OR2G6: variants seen among roughly 807,000 people sequenced by gnomAD.
OR2G6 encodes the protein olfactory receptor family 2 subfamily G member 6.
For synonymous variants in OR2G6, 183 were observed against 155.2 expected, an observed-to-expected ratio of 1.18 and a Z score of -1.33; for missense variants, 457 against 391.3, an observed-to-expected ratio of 1.17 and a Z score of -1.42.
chr1:248,522,378 C>T lies in OR2G6; in HGVS notation c.732C>T (p.His244=), dbSNP rs1466033709. The T allele has an allele frequency of 6.2e-7, 1 of 1,614,176 alleles. No homozygotes were observed. The change falls in exon 2 of 2, where the codon CAC becomes CAT. Residue 244 remains histidine, a synonymous_variant. Transcript: ENST00000641804. Reference sequence around the variant, plus strand: ...AGGCCTTTGGGACCTGTTCGTCTCACCTGGTTGTGGTCATCATTTTCTATG... The same window carrying T: ...AGGCCTTTGGGACCTGTTCGTCTCATCTGGTTGTGGTCATCATTTTCTATG... ...RQKAFGTCSS[H]LVVVIIFYGT...
chr1:248,520,231 A>G lies in OR2G6; in HGVS notation c.-36-1380A>G, dbSNP rs539610086. ...TAAATGGGAGTTGAACAATAAGAACACATGGACACAGGGAGGGGAACATCA... is the reference window on the plus strand; with the variant it reads ...TAAATGGGAGTTGAACAATAAGAACGCATGGACACAGGGAGGGGAACATCA... On this transcript the variant is annotated intron_variant, in intron 1 of 1. Coordinates refer to ENST00000641804, the MANE Select transcript of OR2G6 (RefSeq NM_001013355.2). Among the ~76,000 whole-genome samples the G allele has an allele frequency of 9.2e-5, 14 of 152,266 alleles. No individual in the cohort carries two copies. In the East Asian group the frequency reaches 1.4e-3, roughly 15 times the overall value.
rs1161651195 is a variant in OR2G6, at chr1:248,523,378, T to A, written c.*781T>A. The A allele has an allele frequency of 6.6e-6, 1 of 152,156 alleles. No homozygotes were observed. The highest frequency in any genetic ancestry group is 1.5e-5 in the Non-Finnish European group (1 of 68,036). 9.4% of individuals were successfully genotyped at this position (152,156 alleles called of 1,614,324 possible). ...TATTAAAGGAATCAAATAAGCAAACTTGAATTAAGGAGATTGATTAAAAGT... is the reference window on the plus strand; with the variant it reads ...TATTAAAGGAATCAAATAAGCAAACATGAATTAAGGAGATTGATTAAAAGT... On this transcript the variant is annotated 3_prime_UTR_variant, in exon 2 of 2. Transcript: ENST00000641804.
Position 248,527,109 on chromosome 1 carries a change from GT to G in OR2G6, c.*4517del, listed in dbSNP as rs1659147250. The G allele has an allele frequency of 6.6e-6, 1 of 152,102 alleles. No homozygotes were observed. The highest frequency in any genetic ancestry group is 1.5e-5 in the Non-Finnish European group (1 of 68,022). The allele number at this position is 152,102 out of a possible 1,614,324, so 9.4% of individuals were successfully genotyped here. A position where few individuals can be genotyped will look rare whatever the true frequency, so the allele number is the denominator to read the frequency against. ...GGAATTGCCTAGGTTTTCTTCTAGG[GT>G]TTTTATGGTTTTAGGTCTAACATTT... On this transcript the variant is annotated 3_prime_UTR_variant, in exon 2 of 2. Transcript: ENST00000641804.
chr1:248,520,166 A>T (rs535426940), intron 1 of OR2G6, among the ~76,000 whole-genome samples: 67 of 152,300 alleles, frequency 4.4e-4, no homozygotes, highest in South Asian at 1.0e-3. Flanking sequence ...CAGCAAACTA[A>T]CACAAGAACA....
intron 1 of OR2G6, among the ~76,000 whole-genome samples, chr1:248,519,613 G>C (rs927631349): frequency 5.3e-5 from 8 of 151,840 alleles, no homozygotes; most frequent in African/African-American, 1.9e-4. Context: ...GCTTGTTTTT[G>C]TCAGTTTTGT....
chr1:248,524,456 G>A lies in OR2G6; in HGVS notation c.*1859G>A, dbSNP rs962267163. ...TTTTTATTTACAATATGCAAGTAGA[G>A]AAGTAGTTCTACAGGAAGCGTCACA... On this transcript the variant is annotated 3_prime_UTR_variant, in exon 2 of 2. Transcript: ENST00000641804. 1 of 152,186 alleles carries A rather than the reference G, an allele frequency of 6.6e-6. No individual in the cohort carries two copies. Among genetic ancestry groups the A allele is most frequent in the Non-Finnish European group, 1.5e-5 (1 of 68,038 alleles). 9.4% of individuals were successfully genotyped at this position (152,186 alleles called of 1,614,324 possible).
intron 1 of OR2G6, among the ~76,000 whole-genome samples, chr1:248,509,034 G>A (rs1664206304): frequency 1.2e-5 from 1 of 81,760 alleles, no homozygotes; most frequent in Non-Finnish European, 2.2e-5. Flanking sequence ...TTCAGTGCCT[G>A]GCTCATGATA....
In OR2G6 at chr1:248,524,457, A is replaced by T. The variant is rs551805084; in HGVS notation, c.*1860A>T. 1 of 152,338 alleles carries T rather than the reference A, an allele frequency of 6.6e-6. No individual in the cohort carries two copies. The highest frequency in any genetic ancestry group is 2.4e-5 in the African/African-American group (1 of 41,580). 9.4% of individuals were successfully genotyped at this position (152,338 alleles called of 1,614,324 possible). A position where few individuals can be genotyped will look rare whatever the true frequency, so the allele number is the denominator to read the frequency against. ...TTTTATTTACAATATGCAAGTAGAG[A>T]AGTAGTTCTACAGGAAGCGTCACAT... On this transcript the variant is annotated 3_prime_UTR_variant, in exon 2 of 2. Transcript: ENST00000641804.
rs959640308 is a variant in OR2G6 at position 248,527,187 on chromosome 1, T to A, written c.*4590T>A. ...TTTTGTATAAGGTGTAAGGAAGGGA[T>A]CCAGTTTCAGCTTTCTACATATGGC... is the stretch of plus-strand genomic sequence containing the variant. On this transcript the variant is annotated 3_prime_UTR_variant, in exon 2 of 2. Coordinates refer to ENST00000641804, the MANE Select transcript of OR2G6 (RefSeq NM_001013355.2). 2 of 152,222 alleles carry A rather than the reference T, an allele frequency of 1.3e-5. No homozygotes were observed. Among genetic ancestry groups the A allele is most frequent in the African/African-American group, 4.8e-5 (2 of 41,462 alleles). The allele number at this position is 152,222 out of a possible 1,614,324, so 9.4% of individuals were successfully genotyped here.
rs1659140743 is a variant in OR2G6 at position 248,526,984 on chromosome 1, T to C, written c.*4387T>C. 2 of 152,222 alleles carry C rather than the reference T, an allele frequency of 1.3e-5. No individual in the cohort carries two copies. The highest frequency in any genetic ancestry group is 1.9e-4 in the East Asian group (1 of 5,198). 9.4% of individuals were successfully genotyped at this position (152,222 alleles called of 1,614,324 possible). ...GTAGTTTCTTTTGCTGTGCAGAAGC[T>C]CTTTAGTTTAATTAGATCCCATTTG... On this transcript the variant is annotated 3_prime_UTR_variant, in exon 2 of 2. Coordinates refer to ENST00000641804, the MANE Select transcript of OR2G6 (RefSeq NM_001013355.2).
At position 248,524,053 on chromosome 1, in the gene OR2G6, GCCTT is replaced by G. The variant is rs1329588271; in HGVS notation, c.*1459_*1462del. 2.0e-5 allele frequency: 3 copies of G among 152,162 alleles called. No individual in the cohort carries two copies. The highest frequency in any genetic ancestry group is 7.2e-5 in the African/African-American group (3 of 41,434). 9.4% of individuals were successfully genotyped at this position (152,162 alleles called of 1,614,324 possible). A position where few individuals can be genotyped will look rare whatever the true frequency, so the allele number is the denominator to read the frequency against. The stretch of plus-strand genomic sequence containing the variant: ...GGGTTTAAGTGATCCCTCTGCCTCA[GCCTT>G]CCAACATTCAGATTTATAATAATTC... On this transcript the variant is annotated 3_prime_UTR_variant, in exon 2 of 2. Transcript: ENST00000641804.
intron 1 of OR2G6, among the ~76,000 whole-genome samples, chr1:248,519,311 C>T (rs913457485): frequency 6.6e-5 from 9 of 137,266 alleles, no homozygotes; most frequent in African/African-American, 2.2e-4. Context: ...ATGATAGTTT[C>T]CTTTGCTGCA....
chr1:248,525,540 G>A lies in OR2G6; in HGVS notation c.*2943G>A, dbSNP rs1189118608. On this transcript the variant is annotated 3_prime_UTR_variant, in exon 2 of 2. Coordinates refer to ENST00000641804, the MANE Select transcript of OR2G6 (RefSeq NM_001013355.2). ...CCATATAGGACCACAGCTCAGAGAA[G>A]AAAAATGGGAGGCACTTACTATTTA... The A allele has an allele frequency of 1.3e-5, 2 of 151,854 alleles. No individual in the cohort carries two copies. The highest frequency in any genetic ancestry group is 2.9e-5 in the Non-Finnish European group (2 of 67,978). 9.4% of individuals were successfully genotyped at this position (151,854 alleles called of 1,614,324 possible).
chr1:248,527,274 C>G lies in OR2G6; in HGVS notation c.*4677C>G, dbSNP rs965594977. ...ATCCTTTCCCTATTTCTTGTTTTGT[C>G]AGGTTTGTCAAAGATCAGATAGTTG... On this transcript the variant is annotated 3_prime_UTR_variant, in exon 2 of 2. Transcript: ENST00000641804. 6.6e-6 allele frequency: 1 copy of G among 152,086 alleles called. No homozygotes were observed. Among genetic ancestry groups the G allele is most frequent in the Admixed American group, 6.6e-5 (1 of 15,264 alleles). 9.4% of individuals were successfully genotyped at this position (152,086 alleles called of 1,614,324 possible). A position where few individuals can be genotyped will look rare whatever the true frequency, so the allele number is the denominator to read the frequency against.
Position 248,521,833 on chromosome 1 carries a change from C to T in OR2G6, c.187C>T (p.Leu63Phe), listed in dbSNP as rs1368696352. Residue 63 changes from leucine (L) to phenylalanine (F), a missense_variant, in exon 2 of 2, where the codon CTC (leucine) becomes TTC (phenylalanine). Transcript: ENST00000641804. ...ACTCCACACTCCAATGTACTTCTTCCTCAGCAACCTCTCGTGTGTGGACAT... is the reference window on the plus strand; with the variant it reads ...ACTCCACACTCCAATGTACTTCTTCTTCAGCAACCTCTCGTGTGTGGACAT... ...SRLHTPMYFF[L>F]SNLSCVDICF... 2.5e-6 allele frequency: 4 copies of T among 1,614,050 alleles called. No homozygotes were observed. Among genetic ancestry groups the T allele is most frequent in the African/African-American group, 2.7e-5 (2 of 74,930 alleles).
rs1281055615 is a variant in OR2G6, at chr1:248,510,263, TTC to T, written c.-37+1836_-37+1837del. Among the ~76,000 whole-genome samples the T allele has an allele frequency of 4.7e-5, 7 of 149,100 alleles. No individual in the cohort carries two copies. The South Asian group carries it at 8.4e-4, about 18-fold the overall frequency. On this transcript the variant is annotated intron_variant, in intron 1 of 1. Transcript: ENST00000641804. Reference sequence around the variant, plus strand: ...AATTATAGGTAAATGTGTTATGATTTTCTTTTTTCAAATAAGCCTTACAAATA... The same window carrying T: ...AATTATAGGTAAATGTGTTATGATTTTTTTTTCAAATAAGCCTTACAAATA...
chr1:248,519,588 AT>A (rs1329196923), intron 1 of OR2G6, among the ~76,000 whole-genome samples: 7 of 151,676 alleles, frequency 4.6e-5, no homozygotes, highest in South Asian at 2.1e-4. Flanking sequence ...TAAACAGGGA[AT>A]TTTTTTTCCC....
At chr1:248,520,879 T>A (rs1443418945) in intron 1 of OR2G6, among the ~76,000 whole-genome samples, 1 of 139,360 alleles carries the variant, frequency 7.2e-6, no homozygotes, top group African/African-American at 2.9e-5. Flanking sequence ...TAAAAATATA[T>A]ATATATACAC....
intron 1 of OR2G6, among the ~76,000 whole-genome samples, chr1:248,521,346 G>A (rs1441347192): frequency 6.6e-6 from 1 of 152,058 alleles, no homozygotes; most frequent in Non-Finnish European, 1.5e-5. Flanking sequence ...AATGGGCAAA[G>A]TACAAGAATA....
Sources: allele counts gnomAD v4.1 joint callset (sites outside exome capture counted in the v4.1 genomes callset), GRCh38; gene constraint gnomAD v4.1.1; transcripts MANE v1.5; gene names NCBI Gene and HGNC (gene_info 2026-07-23, HGNC 2026-07-21).